Variants in KCND2 observed in about 807,000 individuals in gnomAD.
KCND2 encodes the protein potassium voltage-gated channel subfamily D member 2.
Under a neutral mutation model 54.4 loss-of-function variants are expected in KCND2, and 16 were observed. The ratio of observed to expected loss-of-function variants is 0.29; its 90% confidence interval spans 0.20 to 0.45. The LOEUF (loss-of-function observed/expected upper bound fraction) is 0.45, where lower values mean the gene tolerates loss of function less well. KCND2 is among the 20% of genes least tolerant of loss of function. The pLI is 1.00. For missense variants in KCND2, 486 were observed against 824.2 expected (o/e 0.59, Z 5.02); for synonymous variants, 317 against 310.7 (o/e 1.02, Z -0.21).
intron 1 of KCND2, among the ~76,000 whole-genome samples, chr7:120,347,404 G>C (rs1353815768): frequency 3.3e-5 from 5 of 152,142 alleles, no homozygotes; most frequent in African/African-American, 1.2e-4. Flanking sequence ...AAACTAAATA[G>C]AACTGCATTA....
intron 1 of KCND2, among the ~76,000 whole-genome samples, chr7:120,317,597 T>A (rs1799831450): frequency 6.6e-6 from 1 of 152,238 alleles, no homozygotes; most frequent in Non-Finnish European, 1.5e-5. Flanking sequence ...AGTTACTAGT[T>A]ACCCAAAATT....
chr7:120,742,512 C>T lies in KCND2; in HGVS notation c.1377C>T (p.Ser459=). The change falls in exon 4 of 6, where the codon TCC becomes TCT. Residue 459 remains serine (S), a splice_region_variant and synonymous_variant. Transcript: ENST00000331113. The stretch of plus-strand genomic sequence containing the variant: ...TTCTGTCTTCTCTTTGTTAACAGTC[C>T]TCAGAGGATGAGCAGGCTTTTGTTA... ...RNGLLSNQLQ[S]SEDEQAFVSK... The T allele has an allele frequency of 1.9e-6, 3 of 1,613,016 alleles. No homozygotes were observed. In the East Asian group the frequency reaches 6.7e-5, roughly 36 times the overall value.
At chr7:120,403,820 T>C (rs939748393) in intron 1 of KCND2, among the ~76,000 whole-genome samples, 2 of 152,108 alleles carry the variant, frequency 1.3e-5, no homozygotes, top group African/African-American at 4.8e-5. Context: ...AAACAATGAC[T>C]GTTTTTTGTT....
chr7:120,325,643 G>T (rs867235980), intron 1 of KCND2, among the ~76,000 whole-genome samples: 6 of 151,976 alleles, frequency 3.9e-5, no homozygotes, highest in African/African-American at 1.4e-4. Context: ...GCATCCCAGG[G>T]ATGAAGCCCA....
At chr7:120,365,708 T>C (rs138591142) in intron 1 of KCND2, among the ~76,000 whole-genome samples, 110 of 152,098 alleles carry the variant, frequency 7.2e-4, no homozygotes, top group African/African-American at 2.6e-3. Flanking sequence ...GTTAAGGTTA[T>C]AGGAAAGAAG....
At chr7:120,525,155 C>T (rs888157582) in intron 1 of KCND2, among the ~76,000 whole-genome samples, 2 of 152,064 alleles carry the variant, frequency 1.3e-5, no homozygotes, top group African/African-American at 4.8e-5. Flanking sequence ...TCTGTGATGC[C>T]TACTAACTCT....
intron 1 of KCND2, among the ~76,000 whole-genome samples, chr7:120,279,468 A>G (rs1799228920): frequency 6.6e-6 from 1 of 151,996 alleles, no homozygotes; most frequent in African/African-American, 2.4e-5. Context: ...AATATGGGAA[A>G]GTTGCTACAT....
intron 1 of KCND2, among the ~76,000 whole-genome samples, chr7:120,430,241 A>C (rs367744740): frequency 6.6e-6 from 1 of 152,230 alleles, no homozygotes; most frequent in South Asian, 2.1e-4. Flanking sequence ...GTGTCCTCAC[A>C]TGGCCTTTTC....
intron 1 of KCND2, among the ~76,000 whole-genome samples, chr7:120,337,264 C>T (rs1275404051): frequency 6.6e-6 from 1 of 151,932 alleles, no homozygotes; most frequent in Non-Finnish European, 1.5e-5. Flanking sequence ...GGTAATTTAA[C>T]ACATTCAGTA....
chr7:120,530,375 C>G (rs191952360), intron 1 of KCND2, among the ~76,000 whole-genome samples: 9 of 152,256 alleles, frequency 5.9e-5, no homozygotes, highest in Non-Finnish European at 1.2e-4. Context: ...GGCTCAATTA[C>G]TTCAGCTTCT....
intron 1 of KCND2, among the ~76,000 whole-genome samples, chr7:120,482,925 G>A (rs1802627674): frequency 6.6e-6 from 1 of 152,102 alleles, no homozygotes; most frequent in South Asian, 2.1e-4. Context: ...TATTACTCAT[G>A]ACCCTACTAT....
intron 1 of KCND2, among the ~76,000 whole-genome samples, chr7:120,388,607 T>G (rs1181395520): frequency 1.3e-5 from 2 of 151,830 alleles, no homozygotes; most frequent in Non-Finnish European, 2.9e-5. Context: ...AAACTTTAAA[T>G]CCATGGGGGC....
At position 120,737,035 on chromosome 7, in the gene KCND2, T is replaced by TACACAC. The variant is rs768582158; in HGVS notation, c.1278+4006_1278+4011dup. 7.0e-3 allele frequency among the ~76,000 whole-genome samples: 693 copies of TACACAC among 98,760 alleles called. 3 individuals are homozygous for TACACAC. The highest frequency in any genetic ancestry group is 0.013 in the African/African-American group (303 of 22,932). 64.8% of individuals were successfully genotyped at this position (98,760 alleles called of 152,430 possible). ...ATTCATTAGAATCATCTGGAAAGCT[T>TACACAC]ACACACACACACACACACACACACA... On this transcript the variant is annotated intron_variant, in intron 2 of 5. Coordinates refer to ENST00000331113, the MANE Select transcript of KCND2 (RefSeq NM_012281.3).
chr7:120,516,309 C>T (rs1456751478), intron 1 of KCND2, among the ~76,000 whole-genome samples: 1 of 152,060 alleles, frequency 6.6e-6, no homozygotes, highest in Non-Finnish European at 1.5e-5. Flanking sequence ...AAATACACGC[C>T]AAGAGAGTGT....
intron 1 of KCND2, among the ~76,000 whole-genome samples, chr7:120,595,105 C>T (rs1792721286): frequency 6.6e-6 from 1 of 151,832 alleles, no homozygotes; most frequent in Non-Finnish European, 1.5e-5. Context: ...AGACATGTTG[C>T]CTAAGTCTCT....
chr7:120,519,713 G>T (rs560579716), intron 1 of KCND2, among the ~76,000 whole-genome samples: 197 of 152,206 alleles, frequency 1.3e-3, no homozygotes, highest in Non-Finnish European at 2.4e-3. Flanking sequence ...TCTTTCATAT[G>T]AAAGTGTTAT....
intron 1 of KCND2, among the ~76,000 whole-genome samples, chr7:120,621,985 G>GT (rs1584857731): frequency 2.7e-5 from 4 of 150,406 alleles, no homozygotes; most frequent in Admixed American, 2.0e-4. Context: ...TTGTTGTTTT[G>GT]GTTTTTTTTT....
intron 1 of KCND2, among the ~76,000 whole-genome samples, chr7:120,315,133 A>G (rs1799794679): frequency 6.6e-6 from 1 of 152,164 alleles, no homozygotes; most frequent in Admixed American, 6.6e-5. Flanking sequence ...ATCTATTAAT[A>G]TGATTTATTT....
At chr7:120,458,600 A>T (rs1802236702) in intron 1 of KCND2, among the ~76,000 whole-genome samples, 1 of 152,190 alleles carries the variant, frequency 6.6e-6, no homozygotes, top group Non-Finnish European at 1.5e-5. Context: ...TTTGAATCTT[A>T]TGTGATAGGG....
Sources: gnomAD v4.1 joint callset for allele counts (sites outside exome capture counted in the v4.1 genomes callset) on GRCh38, gnomAD v4.1.1 for gene constraint, MANE v1.5 for transcripts, NCBI Gene and HGNC (gene_info 2026-07-23, HGNC 2026-07-21) for gene names.